The following ARFGAP2 variants were observed in gnomAD, a reference collection of about 807,000 sequenced individuals.
ARFGAP2 encodes ADP-ribosylation factor GTPase-activating protein 2.
Under a neutral mutation model 71.9 loss-of-function variants are expected in ARFGAP2, and 45 were observed. The ratio of observed to expected loss-of-function variants is 0.63; its 90% CI spans 0.49 to 0.80. The LOEUF (loss-of-function observed/expected upper bound fraction) is 0.80, where lower values mean the gene tolerates loss of function less well. Among genes scored for constraint, ARFGAP2 ranks in the 30% least tolerant of loss-of-function variants. The pLI is 0.00. For synonymous variants in ARFGAP2, 248 were observed against 249.2 expected, an observed-to-expected ratio of 1.00 and a Z score of 0.05; for missense variants, 633 against 673.9, an observed-to-expected ratio of 0.94 and a Z score of 0.67.
intron 2 of ARFGAP2, 37 bp downstream of exon 2, chr11:47,176,479 G>A (rs2135442769): frequency 6.3e-7 from 1 of 1,592,232 alleles, no homozygotes. Flanking sequence ...CCCCTGGCCG[G>A]CCGGGTGGAA....
At position 47,166,752 on chromosome 11, in the gene ARFGAP2, C is replaced by T; in HGVS notation, c.1332+8G>A. 1 of 1,612,468 alleles carries T rather than the reference C, an allele frequency of 6.2e-7. No homozygotes were observed. Among genetic ancestry groups the T allele is most frequent in the Middle Eastern group, 1.7e-4 (1 of 6,056 alleles). Reference sequence around the variant, plus strand: ...GCCTCGGACCTCAGGGCAGACAGCCCCACTTACCTCTGCATCCACCTCCCG... The same window carrying T: ...GCCTCGGACCTCAGGGCAGACAGCCTCACTTACCTCTGCATCCACCTCCCG... On this transcript the variant is annotated splice_region_variant and intron_variant, in intron 13 of 15. Coordinates refer to ENST00000524782, the MANE Select transcript of ARFGAP2 (RefSeq NM_032389.6).
rs1590955481 is a variant in ARFGAP2 at position 47,172,175 on chromosome 11, C to T, written c.672+106G>A. ...AGGCGAGGTTCGGAGAAACACAGTA[C>T]CTTTGCCAAAGTCATATAGCTGGTA... On this transcript the variant is annotated intron_variant, in intron 8 of 15. Transcript: ENST00000524782. 3.4e-6 allele frequency: 4 copies of T among 1,159,746 alleles called. No homozygotes were observed. In the African/African-American group the frequency reaches 4.6e-5, roughly 13 times the overall value. The allele number at this position is 1,159,746 out of a possible 1,614,324, so 71.8% of individuals were successfully genotyped here. A position where few individuals can be genotyped will look rare whatever the true frequency, so the allele number is the denominator to read the frequency against.
At chr11:47,173,014 G>T in intron 7 of ARFGAP2, 1 of 356,456 alleles carries the variant, frequency 2.8e-6, no homozygotes, top group South Asian at 2.2e-5. Context: ...TTAAAGGACA[G>T]GCTGGGGTAC....
At chr11:47,166,463 T>G (rs1325468589) in intron 14 of ARFGAP2, 43 bp downstream of exon 14, 1 of 1,612,386 alleles carries the variant, frequency 6.2e-7, no homozygotes, top group Admixed American at 1.7e-5. Flanking sequence ...CCCGCCCTGC[T>G]CCCAGGCCTC....
chr11:47,174,882 T>A, intron 5 of ARFGAP2, 133 bp downstream of exon 5: 3 of 919,762 alleles, frequency 3.3e-6, no homozygotes, highest in Non-Finnish European at 5.2e-6. Flanking sequence ...GCAGGAACAG[T>A]GGACTTCATA....
At chr11:47,165,690 G>T (rs1023058160) in intron 15 of ARFGAP2, among the ~76,000 whole-genome samples, 188 bp from the exon 16 acceptor site, 3 of 152,142 alleles carry the variant, frequency 2.0e-5, no homozygotes, top group African/African-American at 7.2e-5. Flanking sequence ...CCGACAACAG[G>T]GAAGCCCTGC....
Position 47,166,765 on chromosome 11 carries a change from C to A in ARFGAP2, c.1327G>T (p.Ala443Ser). The A allele has an allele frequency of 6.2e-7, 1 of 1,613,404 alleles. No homozygotes were observed. Among genetic ancestry groups the A allele is most frequent in the Non-Finnish European group, 8.5e-7 (1 of 1,179,658 alleles). Residue 443 changes from alanine (A) to serine (S), a missense_variant, in exon 13 of 16, where the codon GCA becomes TCA. Coordinates refer to ENST00000524782, the MANE Select transcript of ARFGAP2 (RefSeq NM_032389.6). ...SDMFFGREVD[A>S]EYEARSRLQQ... The stretch of plus-strand genomic sequence containing the variant: ...GGGCAGACAGCCCCACTTACCTCTG[C>A]ATCCACCTCCCGCCCAAAGAACATG...
intron 4 of ARFGAP2, 24 bp downstream of exon 4, chr11:47,175,158 C>T (rs756599601): frequency 3.1e-6 from 5 of 1,614,104 alleles, no homozygotes; most frequent in South Asian, 1.1e-5. Flanking sequence ...CCCTCCTGCC[C>T]CAGCCCCAAG....
At position 47,165,365 on chromosome 11, in the gene ARFGAP2, C is replaced by A; in HGVS notation, c.*117G>T. On this transcript the variant is annotated 3_prime_UTR_variant, in exon 16 of 16. Coordinates refer to ENST00000524782, the MANE Select transcript of ARFGAP2 (RefSeq NM_032389.6). ...CCTCAAAGGCCACCCCACACACACA[C>A]CACACATACGAAGTAACAAATCCTC... is the stretch of plus-strand genomic sequence containing the variant. 2 of 1,377,388 alleles carry A rather than the reference C, an allele frequency of 1.5e-6. No individual in the cohort carries two copies. Among genetic ancestry groups the A allele is most frequent in the Non-Finnish European group, 9.9e-7 (1 of 1,011,708 alleles). 85.3% of individuals were successfully genotyped at this position (1,377,388 alleles called of 1,614,324 possible).
At chr11:47,165,986 A>G (rs1952357141) in intron 15 of ARFGAP2, among the ~76,000 whole-genome samples, 1 of 152,054 alleles carries the variant, frequency 6.6e-6, no homozygotes, top group African/African-American at 2.4e-5. Flanking sequence ...CTGCCTCAGC[A>G]TCCCGAGTAG....
chr11:47,166,409 C>T (rs1952379547), intron 14 of ARFGAP2, 23 bp from the exon 15 acceptor site: 1 of 1,612,604 alleles, frequency 6.2e-7, no homozygotes, highest in African/African-American at 1.3e-5. Context: ...AGCAGGGTGA[C>T]CCAGAGCCCA....
Position 47,171,833 on chromosome 11 carries a change from A to G in ARFGAP2, c.673-33T>C, listed in dbSNP as rs745710605. The G allele has an allele frequency of 9.3e-6, 15 of 1,610,142 alleles. No homozygotes were observed. In the Admixed American group the frequency reaches 1.2e-4, roughly 13 times the overall value. On this transcript the variant is annotated intron_variant, in intron 8 of 15. Coordinates refer to ENST00000524782, the MANE Select transcript of ARFGAP2 (RefSeq NM_032389.6). ...CAGAATCATGTAAGGGGCCTTCCCAATCACACTCTCCTCAGATCCCTCCCA... is the reference window on the plus strand; with the variant it reads ...CAGAATCATGTAAGGGGCCTTCCCAGTCACACTCTCCTCAGATCCCTCCCA...
In ARFGAP2 at chr11:47,172,564, G is replaced by C. The variant is rs933921794; in HGVS notation, c.620-231C>G. ...ACAGGAACCTAGACCTGAAGCACCA[G>C]AGACGTCCGAAGCACCAGAGACGTC... On this transcript the variant is annotated intron_variant, in intron 7 of 15. Transcript: ENST00000524782. The C allele has an allele frequency of 7.5e-6, 8 of 1,068,630 alleles. No individual in the cohort carries two copies. The African/African-American group carries it at 8.0e-5, about 11-fold the overall frequency. The allele number at this position is 1,068,630 out of a possible 1,614,324, so 66.2% of individuals were successfully genotyped here.
At chr11:47,171,594 T>G in intron 9 of ARFGAP2, 37 bp from the exon 10 acceptor site, 1 of 1,613,938 alleles carries the variant, frequency 6.2e-7, no homozygotes, top group Non-Finnish European at 8.5e-7. Context: ...CCACCACCCA[T>G]CCTGACCTGT....
chr11:47,172,661 G>T, intron 7 of ARFGAP2: 1 of 1,319,856 alleles, frequency 7.6e-7, no homozygotes, highest in South Asian at 1.2e-5. Flanking sequence ...CGCTTCTAAA[G>T]CAGGAAGCTG....
In ARFGAP2 at chr11:47,171,705, C is replaced by A; in HGVS notation, c.768G>T (p.Glu256Asp). 1 of 1,613,844 alleles carries A rather than the reference C, an allele frequency of 6.2e-7. No individual in the cohort carries two copies. The highest frequency in any genetic ancestry group is 8.5e-7 in the Non-Finnish European group (1 of 1,180,056). Residue 256 changes from glutamate to aspartate, a missense_variant, in exon 9 of 16, where the codon GAG (glutamate) becomes GAT (aspartate). By Grantham distance (45) the Glu-to-Asp change is conservative. Transcript: ENST00000524782. ...GCTTCTTGGCATCGGCTGCCTGCTG[C>A]TCACGGAGCTTCTCTGCCACCTGAG... ...RQAQVAEKLR[E>D]QQAADAKKQA...
At chr11:47,175,729 TG>T in intron 3 of ARFGAP2, 121 bp downstream of exon 3, 1 of 1,115,044 alleles carries the variant, frequency 9.0e-7, no homozygotes, top group Non-Finnish European at 1.3e-6. Flanking sequence ...AAATAGCTTA[TG>T]GTGGTGTTAT....
Position 47,173,686 on chromosome 11 carries a change from C to A in ARFGAP2, c.562+73G>T, listed in dbSNP as rs1269190101. ...GGACCCCTGCTCCTATTGTCATGGC[C>A]AGATGTCCCCTTCCAAACCCTGAGT... On this transcript the variant is annotated intron_variant, in intron 6 of 15. Transcript: ENST00000524782. 6 of 1,522,180 alleles carry A rather than the reference C, an allele frequency of 3.9e-6. No individual in the cohort carries two copies. In the African/African-American group the frequency reaches 8.3e-5, roughly 21 times the overall value. The allele number at this position is 1,522,180 out of a possible 1,614,324, so 94.3% of individuals were successfully genotyped here. A position where few individuals can be genotyped will look rare whatever the true frequency, so the allele number is the denominator to read the frequency against.
intron 7 of ARFGAP2, among the ~76,000 whole-genome samples, chr11:47,172,535 TG>T (rs1438849566): frequency 3.3e-5 from 5 of 151,804 alleles, no homozygotes; most frequent in Non-Finnish European, 7.4e-5. Flanking sequence ...CCCAGCAGAG[TG>T]AGACAGGAAC....
Sources: gnomAD v4.1 joint callset for allele counts (sites outside exome capture counted in the v4.1 genomes callset) on GRCh38, gnomAD v4.1.1 for gene constraint, MANE v1.5 for transcripts, NCBI Gene and HGNC (gene_info 2026-07-23, HGNC 2026-07-21) for gene names.